Variants in TRPC5 observed in about 807,000 individuals in gnomAD.
The protein encoded by TRPC5 is transient receptor potential cation channel subfamily C member 5.
TRPC5 carries 9 observed loss-of-function variants against 56.5 expected under a neutral mutation model. The ratio of observed to expected loss-of-function variants is 0.16; its 90% CI spans 0.10 to 0.28. The LOEUF (loss-of-function observed/expected upper bound fraction) is 0.28. Among genes scored for constraint, TRPC5 ranks in the 10% least tolerant of loss-of-function variants. The probability of loss-of-function intolerance (pLI) is 1.00; values close to 1 mark genes in which losing one functional copy is unlikely to be tolerated. For missense variants in TRPC5, 469 were observed against 748.9 expected (o/e 0.63, Z 4.36); for synonymous variants, 282 against 278.5 (o/e 1.01, Z -0.13).
At chrX:111,964,830 A>C (rs951770497) in intron 1 of TRPC5, among the ~76,000 whole-genome samples, 4 of 111,894 alleles carry the variant, frequency 3.6e-5, no homozygotes, top group African/African-American at 1.3e-4. Context: ...GGAAGCACTA[A>C]ACATGGAAAG....
intron 1 of TRPC5, among the ~76,000 whole-genome samples, chrX:112,031,191 G>A (rs1929576615): frequency 9.0e-6 from 1 of 111,665 alleles, no homozygotes; most frequent in East Asian, 2.8e-4. Context: ...CCAACTCTCC[G>A]GAGGTTCCCC....
At chrX:112,013,192 A>G (rs1276182553) in intron 1 of TRPC5, among the ~76,000 whole-genome samples, 4 of 111,562 alleles carry the variant, frequency 3.6e-5, no homozygotes. Flanking sequence ...ACTCTATCAC[A>G]CAGGCTGGAG....
At chrX:111,920,293 A>G (rs1048967241) in intron 2 of TRPC5, among the ~76,000 whole-genome samples, 6 of 111,023 alleles carry the variant, frequency 5.4e-5, no homozygotes, top group Non-Finnish European at 1.1e-4. Flanking sequence ...AACAAAAAAA[A>G]TGTATCTTAA....
chrX:111,832,367 A>G (rs964129443), intron 7 of TRPC5, among the ~76,000 whole-genome samples: 1 of 112,373 alleles, frequency 8.9e-6, no homozygotes, highest in African/African-American at 3.2e-5. Context: ...ACAGTGAGGC[A>G]TGTTGACAAC....
chrX:111,873,480 G>T (rs1022809880), intron 3 of TRPC5, among the ~76,000 whole-genome samples: 12 of 111,412 alleles, frequency 1.1e-4, no homozygotes, highest in African/African-American at 2.9e-4. Context: ...ACCTACACGT[G>T]TGCCCTTTAA....
At chrX:111,985,202 G>A (rs1243972660) in intron 1 of TRPC5, among the ~76,000 whole-genome samples, 3 of 112,147 alleles carry the variant, frequency 2.7e-5, no homozygotes, top group Non-Finnish European at 5.6e-5. Context: ...CACTCTATAG[G>A]TCTGGAAGCC....
In TRPC5 at chrX:111,770,465, AAGG is replaced by A. The variant is rs1945836621; in HGVS notation, c.*5845_*5847del. On this transcript the variant is annotated 3_prime_UTR_variant, in exon 11 of 11. Coordinates refer to ENST00000262839, the MANE Select transcript of TRPC5 (RefSeq NM_012471.3). Reference sequence around the variant, plus strand: ...TTGTTGCATTTTTTGAATTTCATTAAAGGAGAAATGATGATGCTAATGTTTTAA... The same window carrying A: ...TTGTTGCATTTTTTGAATTTCATTAAAGAAATGATGATGCTAATGTTTTAA... Among the ~76,000 whole-genome samples the A allele has an allele frequency of 8.9e-6, 1 of 112,192 alleles. No individual in the cohort carries two copies. The highest frequency in any genetic ancestry group is 3.2e-5 in the African/African-American group (1 of 30,900).
chrX:112,017,000 C>T (rs1352241285), intron 1 of TRPC5, among the ~76,000 whole-genome samples: 1 of 111,481 alleles, frequency 9.0e-6, no homozygotes, highest in Non-Finnish European at 1.9e-5. Context: ...CATTATTACT[C>T]CTTTTTAAAA....
At chrX:112,065,220 A>G (rs890827910) in intron 1 of TRPC5, among the ~76,000 whole-genome samples, 2 of 111,943 alleles carry the variant, frequency 1.8e-5, no homozygotes, top group South Asian at 7.6e-4. Context: ...CAAACTGCCT[A>G]CTGAGCATCA....
At chrX:111,826,047 T>A (rs1437351195) in intron 7 of TRPC5, among the ~76,000 whole-genome samples, 1 of 112,179 alleles carries the variant, frequency 8.9e-6, no homozygotes, top group East Asian at 2.8e-4. Flanking sequence ...AGCCTAGTTA[T>A]CTTCCCTATT....
At chrX:112,039,517 A>G (rs960198066) in intron 1 of TRPC5, among the ~76,000 whole-genome samples, 2 of 112,296 alleles carry the variant, frequency 1.8e-5, no homozygotes, top group African/African-American at 6.5e-5. Context: ...GAACATTGCA[A>G]TAGAGATGAT....
At chrX:112,049,293 G>A (rs937707042) in intron 1 of TRPC5, among the ~76,000 whole-genome samples, 9 of 109,181 alleles carry the variant, frequency 8.2e-5, no homozygotes, top group Non-Finnish European at 1.5e-4. Context: ...TTCCTGATTT[G>A]GGTAAGGAAT....
chrX:111,843,313 T>C (rs760538019), intron 6 of TRPC5, among the ~76,000 whole-genome samples: 1 of 112,109 alleles, frequency 8.9e-6, no homozygotes, highest in South Asian at 3.8e-4. Context: ...CACAGATGTC[T>C]GAAATACAAC....
chrX:111,933,797 TG>T (rs758701331), intron 2 of TRPC5, among the ~76,000 whole-genome samples: 2 of 111,549 alleles, frequency 1.8e-5, no homozygotes, highest in Non-Finnish European at 3.8e-5. Flanking sequence ...GTGATCTGAC[TG>T]GTCAGCATAT....
intron 1 of TRPC5, among the ~76,000 whole-genome samples, chrX:112,070,335 C>T (rs1930685866): frequency 9.0e-6 from 1 of 111,475 alleles, no homozygotes; most frequent in African/African-American, 3.3e-5. Flanking sequence ...TGCAGATTGA[C>T]GCCGCCAAGT....
At chrX:111,829,210 G>A (rs1312516199) in intron 7 of TRPC5, among the ~76,000 whole-genome samples, 2 of 104,999 alleles carry the variant, frequency 1.9e-5, no homozygotes, top group African/African-American at 7.1e-5. Flanking sequence ...GCTGAGGTAG[G>A]AGAATTGGTT....
At chrX:111,913,148 C>A (rs1925867286) in intron 2 of TRPC5, among the ~76,000 whole-genome samples, 1 of 111,286 alleles carries the variant, frequency 9.0e-6, no homozygotes, top group Non-Finnish European at 1.9e-5. Context: ...AGGATTCAAA[C>A]CCAAGCAAGA....
intron 7 of TRPC5, among the ~76,000 whole-genome samples, chrX:111,831,484 A>G (rs1023935549): frequency 9.9e-5 from 11 of 111,645 alleles, no homozygotes; most frequent in African/African-American, 3.3e-4. Context: ...CTTGCCTGCT[A>G]TCTTGTGTTG....
intron 1 of TRPC5, among the ~76,000 whole-genome samples, chrX:112,073,859 A>C (rs779668317): frequency 1.8e-5 from 2 of 112,059 alleles, no homozygotes; most frequent in African/African-American, 6.5e-5. Flanking sequence ...AGGAGGTAAA[A>C]CTTGCAGTCA....
Sources: gnomAD v4.1 joint callset for allele counts (sites outside exome capture counted in the v4.1 genomes callset) on GRCh38, gnomAD v4.1.1 for gene constraint, MANE v1.5 for transcripts, NCBI Gene and HGNC (gene_info 2026-07-23, HGNC 2026-07-21) for gene names.